The following HAPLN3 variants were observed in gnomAD, a reference collection of about 807,000 sequenced individuals.
HAPLN3 encodes hyaluronan and proteoglycan link protein 3.
In HAPLN3, 28 loss-of-function variants were observed where a neutral mutation model predicts 28.1. That is an observed-to-expected ratio of 1.00 (90% CI 0.74 to 1.37). The LOEUF is 1.37. Among genes scored for constraint, HAPLN3 ranks in the 40% most tolerant of loss-of-function variants. The probability of loss-of-function intolerance (pLI) is 0.00; values close to 1 mark genes in which losing one functional copy is unlikely to be tolerated. For synonymous variants in HAPLN3, 211 were observed against 213.1 expected, an observed-to-expected ratio of 0.99 and a Z score of 0.09; for missense variants, 513 against 504.6, an observed-to-expected ratio of 1.02 and a Z score of -0.16.
In HAPLN3 at chr15:88,881,441, G is replaced by A. The variant is rs141202129; in HGVS notation, c.409C>T (p.Arg137Trp). Reference sequence around the variant, plus strand: ...CGGTAACGCCCATAGTCCTCCAGCCGCAGATCCTGGATCTCCAGCGAGACG... The same window carrying A: ...CGGTAACGCCCATAGTCCTCCAGCCACAGATCCTGGATCTCCAGCGAGACG... Reference protein sequence around the residue: ...HDVSLEIQDLRLEDYGRYRCE... With the variant: ...HDVSLEIQDLWLEDYGRYRCE... The change falls in exon 3 of 5, where the codon CGG becomes TGG. Residue 137 changes from arginine to tryptophan, a missense_variant. Transcript: ENST00000359595. The surrounding 1 kb of genome is among the most constrained non-coding windows in gnomAD (Gnocchi z 6.0). The A allele has an allele frequency of 7.6e-4, 1,227 of 1,613,844 alleles. No homozygotes were observed. The highest frequency in any genetic ancestry group is 9.8e-4 in the Non-Finnish European group (1,155 of 1,180,030).
chr15:88,880,161 G>T lies in HAPLN3; in HGVS notation c.494-892C>A. 1.0e-6 allele frequency: 1 copy of T among 994,620 alleles called. No homozygotes were observed. Among genetic ancestry groups the T allele is most frequent in the African/African-American group, 1.7e-5 (1 of 57,452 alleles). 61.6% of individuals were successfully genotyped at this position (994,620 alleles called of 1,614,324 possible). ...TGCAGCCTCTACGTGTGTTTGCAGG[G>T]GGACTATTTCATGCCTGGTTCCACC... On this transcript the variant is annotated intron_variant, in intron 3 of 4. Coordinates refer to ENST00000359595, the MANE Select transcript of HAPLN3 (RefSeq NM_178232.4). The surrounding 1 kb of genome is among the most constrained non-coding windows in gnomAD (Gnocchi z 6.0).
rs2141656518 is a variant in HAPLN3 at position 88,879,814 on chromosome 15, TC to T, written c.494-546del. The T allele has an allele frequency of 2.8e-6, 3 of 1,080,480 alleles. No homozygotes were observed. The South Asian group carries it at 8.1e-5, about 29-fold the overall frequency. The allele number at this position is 1,080,480 out of a possible 1,614,324, so 66.9% of individuals were successfully genotyped here. ...TAAAGGAGGCTCAAGGGCAGGGAGG[TC>T]TGGGGCAGGCGGTTTCTCTCCTTGT... is the stretch of plus-strand genomic sequence containing the variant. On this transcript the variant is annotated intron_variant, in intron 3 of 4. Transcript: ENST00000359595. This position sits in a 1 kb window ranked among gnomAD's most constrained non-coding sequence, Gnocchi z 5.0.
At position 88,880,321 on chromosome 15, in the gene HAPLN3, G is replaced by A; in HGVS notation, c.493+1036C>T. The stretch of plus-strand genomic sequence containing the variant: ...ACTGCCACCCCAACTTCAAGAATGA[G>A]GAATGCGGCCCCTCTGAGCCACCAT... On this transcript the variant is annotated intron_variant, in intron 3 of 4. Coordinates refer to ENST00000359595, the MANE Select transcript of HAPLN3 (RefSeq NM_178232.4). The surrounding 1 kb of genome is among the most constrained non-coding windows in gnomAD (Gnocchi z 6.0). 4.7e-6 allele frequency: 5 copies of A among 1,061,546 alleles called. No homozygotes were observed. In the African/African-American group the frequency reaches 5.1e-5, roughly 11 times the overall value. 65.8% of individuals were successfully genotyped at this position (1,061,546 alleles called of 1,614,324 possible). A position where few individuals can be genotyped will look rare whatever the true frequency, so the allele number is the denominator to read the frequency against.
rs770987498 is a variant in HAPLN3 at position 88,879,624 on chromosome 15, G to A, written c.494-355C>T. On this transcript the variant is annotated intron_variant, in intron 3 of 4. Transcript: ENST00000359595. The surrounding 1 kb of genome is among the most constrained non-coding windows in gnomAD (Gnocchi z 5.0). ...GCTTTGGGCTCTAGGGGCCAGGTTT[G>A]ACTCCCAGCTCCCCACTCGTTAGCT... The A allele has an allele frequency of 1.5e-5, 19 of 1,265,892 alleles. No individual in the cohort carries two copies. Among genetic ancestry groups the A allele is most frequent in the Non-Finnish European group, 1.9e-5 (19 of 984,718 alleles). 78.4% of individuals were successfully genotyped at this position (1,265,892 alleles called of 1,614,324 possible).
Position 88,880,690 on chromosome 15 carries a change from G to A in HAPLN3, c.493+667C>T, listed in dbSNP as rs1897672623. 4.3e-6 allele frequency: 4 copies of A among 937,076 alleles called. No homozygotes were observed. The highest frequency in any genetic ancestry group is 4.9e-5 in the Admixed American group (2 of 40,426). 58.0% of individuals were successfully genotyped at this position (937,076 alleles called of 1,614,324 possible). A position where few individuals can be genotyped will look rare whatever the true frequency, so the allele number is the denominator to read the frequency against. On this transcript the variant is annotated intron_variant, in intron 3 of 4. Transcript: ENST00000359595. This position sits in a 1 kb window ranked among gnomAD's most constrained non-coding sequence, Gnocchi z 6.0. Reference sequence around the variant, plus strand: ...AAGATCCGGCTTGCAGGGTGTGGCTGGTTTGGACAGCACTGGGTTTTTGTT... The same window carrying A: ...AAGATCCGGCTTGCAGGGTGTGGCTAGTTTGGACAGCACTGGGTTTTTGTT...
chr15:88,893,064 G>A (rs8039131), intron 1 of HAPLN3: 389,375 of 1,171,220 alleles, frequency 0.33, 66,767 homozygotes, highest in African/African-American at 0.45. Context: ...ACTGCATCCT[G>A]CTGAGTGACT....
At chr15:88,887,095 G>A (rs1448708898) in intron 2 of HAPLN3, 80 bp downstream of exon 2, 15 of 1,496,084 alleles carry the variant, frequency 1.0e-5, no homozygotes, top group Middle Eastern at 1.7e-4. Context: ...TCCCAGCCTG[G>A]AACCCTCAGA....
In HAPLN3 at chr15:88,881,406, G is replaced by A. The variant is rs778200470; in HGVS notation, c.444C>T (p.Val148=). The change falls in exon 3 of 5, where the codon GTC becomes GTT. Residue 148 remains valine (V), a synonymous_variant. Transcript: ENST00000359595. This position sits in a 1 kb window ranked among gnomAD's most constrained non-coding sequence, Gnocchi z 6.0. ...CGCTTTCATCCTCCAGCCCGTCAAT[G>A]ACCTCACAGCGGTAACGCCCATAGT... ...LEDYGRYRCE[V]IDGLEDESGL... 1 of 1,613,860 alleles carries A rather than the reference G, an allele frequency of 6.2e-7. No homozygotes were observed. The highest frequency in any genetic ancestry group is 8.5e-7 in the Non-Finnish European group (1 of 1,180,006).
At chr15:88,889,731 G>A (rs544215611) in intron 1 of HAPLN3, among the ~76,000 whole-genome samples, 5 of 152,348 alleles carry the variant, frequency 3.3e-5, no homozygotes, top group East Asian at 1.9e-4. Flanking sequence ...TGCAGGGGCT[G>A]AGTGGAAGGT....
rs1029268585 is a variant in HAPLN3, at chr15:88,889,556, G to A, written c.-47-2211C>T. ...TCACCATGTTAGCCAGGCTGGTCTC[G>A]AACTCCTCGCCTCGAGTGATCCGCC... On this transcript the variant is annotated intron_variant, in intron 1 of 4. Coordinates refer to ENST00000359595, the MANE Select transcript of HAPLN3 (RefSeq NM_178232.4). Among the ~76,000 whole-genome samples, 4 of 152,220 alleles carry A rather than the reference G, an allele frequency of 2.6e-5. No homozygotes were observed. The East Asian group carries it at 5.8e-4, about 22-fold the overall frequency.
chr15:88,887,631 G>T (rs1315728906), intron 1 of HAPLN3, among the ~76,000 whole-genome samples: 1 of 152,204 alleles, frequency 6.6e-6, no homozygotes, highest in Non-Finnish European at 1.5e-5. Context: ...TAAGCAGGAT[G>T]ATATGACAGG....
chr15:88,889,641 T>A (rs1897958566), intron 1 of HAPLN3, among the ~76,000 whole-genome samples: 1 of 152,104 alleles, frequency 6.6e-6, no homozygotes, highest in Non-Finnish European at 1.5e-5. Context: ...TGGCCAGAAG[T>A]CTATCCTTTG....
At chr15:88,889,529 T>C (rs575164653) in intron 1 of HAPLN3, among the ~76,000 whole-genome samples, 2 of 152,104 alleles carry the variant, frequency 1.3e-5, no homozygotes, top group African/African-American at 4.8e-5. Flanking sequence ...AGAGACGGGG[T>C]TTCACCATGT....
chr15:88,882,976 A>G (rs936290959), intron 2 of HAPLN3, among the ~76,000 whole-genome samples: 1 of 152,204 alleles, frequency 6.6e-6, no homozygotes, highest in African/African-American at 2.4e-5. Flanking sequence ...CTGCATTCCA[A>G]ACTGGGTGAG....
chr15:88,887,143 G>A (rs376420630), intron 2 of HAPLN3, 32 bp downstream of exon 2: 3 of 1,612,492 alleles, frequency 1.9e-6, no homozygotes, highest in South Asian at 1.1e-5. Flanking sequence ...TCACCCAGGG[G>A]AGCAAAGAGC....
intron 1 of HAPLN3, among the ~76,000 whole-genome samples, chr15:88,893,306 T>C (rs1421024606): frequency 6.6e-6 from 1 of 151,812 alleles, no homozygotes; most frequent in Non-Finnish European, 1.5e-5. Flanking sequence ...TAATCCCAGC[T>C]ACTGGGGTGG....
At position 88,879,330 on chromosome 15, in the gene HAPLN3, C is replaced by A. The variant is rs902762026; in HGVS notation, c.494-61G>T. ...CAGGGGCCCAGCTGGCTGGACACCCCGCTCTCCTCCCACCTTCACTGGGAC... is the reference window on the plus strand; with the variant it reads ...CAGGGGCCCAGCTGGCTGGACACCCAGCTCTCCTCCCACCTTCACTGGGAC... On this transcript the variant is annotated intron_variant, in intron 3 of 4. Transcript: ENST00000359595. The surrounding 1 kb of genome is among the most constrained non-coding windows in gnomAD (Gnocchi z 5.0). 1.3e-6 allele frequency: 2 copies of A among 1,596,974 alleles called. No individual in the cohort carries two copies. The highest frequency in any genetic ancestry group is 1.3e-5 in the African/African-American group (1 of 74,804).
At chr15:88,883,895 C>G (rs191840435) in intron 2 of HAPLN3, among the ~76,000 whole-genome samples, 5 of 151,848 alleles carry the variant, frequency 3.3e-5, no homozygotes, top group Non-Finnish European at 7.4e-5. Context: ...GTGGCCAACA[C>G]GGTGAAGCCC....
chr15:88,892,462 AAAAAG>A (rs1335709480), intron 1 of HAPLN3, among the ~76,000 whole-genome samples: 32 of 152,202 alleles, frequency 2.1e-4, no homozygotes, highest in African/African-American at 7.7e-4. Context: ...ATCTCAAAAA[AAAAAG>A]AAAAGAAAAA....
Sources: gnomAD v4.1 joint callset for allele counts (sites outside exome capture counted in the v4.1 genomes callset) on GRCh38, gnomAD v4.1.1 for gene constraint, Gnocchi (gnomAD v3.1) non-coding constraint, MANE v1.5 for transcripts, NCBI Gene and HGNC (gene_info 2026-07-23, HGNC 2026-07-21) for gene names.